MYO10: variants seen among roughly 807,000 people sequenced by gnomAD.
MYO10 encodes the protein myosin X, also known as unconventional myosin-X.
In MYO10, 133 loss-of-function variants were observed where a neutral mutation model predicts 257.3. That is an observed-to-expected ratio of 0.52 (90% confidence interval 0.45 to 0.60). The LOEUF (loss-of-function observed/expected upper bound fraction) is 0.60, where lower values mean the gene tolerates loss of function less well. MYO10 is among the 20% of genes least tolerant of loss of function. The pLI, the probability that MYO10 is intolerant of heterozygous loss-of-function variation, is 0.00. For missense variants in MYO10, 2,399 were observed against 2,635.7 expected, an observed-to-expected ratio of 0.91 and a Z score of 1.97; for synonymous variants, 1,104 against 1,028.6, an observed-to-expected ratio of 1.07 and a Z score of -1.40.
Position 16,851,788 on chromosome 5 carries a change from C to T in MYO10, c.120+25821G>A, listed in dbSNP as rs1195733959. On this transcript the variant is annotated intron_variant, in intron 2 of 40. Coordinates refer to ENST00000513610, the MANE Select transcript of MYO10 (RefSeq NM_012334.3). ...GACTTAATGGCCGGGCGTGGTGGCT[C>T]ATGCCTGTAATCCCAGCACTTTGGG... Among the ~76,000 whole-genome samples, 4 of 152,082 alleles carry T rather than the reference C, an allele frequency of 2.6e-5. No homozygotes were observed. In the East Asian group the frequency reaches 5.8e-4, roughly 22 times the overall value.
chr5:16,820,760 TAATC>T (rs1471827919), intron 2 of MYO10, among the ~76,000 whole-genome samples: 2 of 151,946 alleles, frequency 1.3e-5, no homozygotes, highest in South Asian at 2.1e-4. Context: ...TTTCTGGAAA[TAATC>T]ATACATAATA....
chr5:16,719,989 C>CGCGTGT (rs1554039264), intron 19 of MYO10, among the ~76,000 whole-genome samples: 1 of 143,442 alleles, frequency 7.0e-6, no homozygotes, highest in Non-Finnish European at 1.5e-5. Context: ...TGTGTGCGTG[C>CGCGTGT]GTGTGTGTGT....
At chr5:16,735,825 G>A (rs778910771) in intron 19 of MYO10, among the ~76,000 whole-genome samples, 1 of 152,114 alleles carries the variant, frequency 6.6e-6, no homozygotes, top group South Asian at 2.1e-4. Flanking sequence ...ATGATCTGAG[G>A]CTGGTCTGTG....
chr5:16,759,727 A>C (rs920930851), intron 17 of MYO10, among the ~76,000 whole-genome samples: 5 of 152,218 alleles, frequency 3.3e-5, no homozygotes, highest in African/African-American at 1.2e-4. Context: ...CTTTTATTTA[A>C]ACGTATCGCA....
chr5:16,756,247 G>A (rs891099145), intron 18 of MYO10, among the ~76,000 whole-genome samples: 1 of 151,798 alleles, frequency 6.6e-6, no homozygotes, highest in Non-Finnish European at 1.5e-5. Context: ...AATTTTTTTT[G>A]TAGAGATGAG....
chr5:16,845,528 G>A (rs1252534707), intron 2 of MYO10, among the ~76,000 whole-genome samples: 7 of 152,064 alleles, frequency 4.6e-5, no homozygotes, highest in African/African-American at 9.7e-5. Context: ...CTTAGCCGGC[G>A]TAATGGTCCA....
intron 10 of MYO10, 23 bp from the exon 11 acceptor site, chr5:16,766,221 G>T: frequency 6.3e-7 from 1 of 1,576,890 alleles, no homozygotes. Flanking sequence ...AGACAAAGGT[G>T]AATGAACCCA....
At chr5:16,799,953 A>G (rs373588010) in intron 3 of MYO10, among the ~76,000 whole-genome samples, 1 of 152,240 alleles carries the variant, frequency 6.6e-6, no homozygotes, top group Admixed American at 6.5e-5. Flanking sequence ...ACTGCCACCA[A>G]TCAATTCTGA....
rs184825977 is a variant in MYO10 at position 16,698,352 on chromosome 5, C to A, written c.3556+1098G>T. Among the ~76,000 whole-genome samples, 262 of 152,222 alleles carry A rather than the reference C, an allele frequency of 1.7e-3. 1 individual carries two copies. The highest frequency in any genetic ancestry group is 6.0e-3 in the African/African-American group (250 of 41,530). On this transcript the variant is annotated intron_variant, in intron 26 of 40. Coordinates refer to ENST00000513610, the MANE Select transcript of MYO10 (RefSeq NM_012334.3). The stretch of plus-strand genomic sequence containing the variant: ...CTCTAGCTTGGGTAACAGAGCAAGA[C>A]CCTGTCTTAAATAAATACCTAAATA...
At chr5:16,770,814 C>G (rs1041031386) in intron 9 of MYO10, among the ~76,000 whole-genome samples, 2 of 152,220 alleles carry the variant, frequency 1.3e-5, no homozygotes, top group Non-Finnish European at 2.9e-5. Flanking sequence ...TTTCGCCCAG[C>G]CTGGGGTGCA....
At chr5:16,782,946 T>C (rs1741465527) in intron 5 of MYO10, among the ~76,000 whole-genome samples, 1 of 152,188 alleles carries the variant, frequency 6.6e-6, no homozygotes, top group African/African-American at 2.4e-5. Context: ...ACACAGTGGC[T>C]GGGGGCTGAC....
chr5:16,763,375 C>T, intron 14 of MYO10, 106 bp downstream of exon 14: 1 of 865,144 alleles, frequency 1.2e-6, no homozygotes, highest in Non-Finnish European at 1.9e-6. Context: ...TCTAAACATT[C>T]ACATCGTTGA....
Position 16,701,146 on chromosome 5 carries a change from G to A in MYO10, c.3249C>T (p.Pro1083=), listed in dbSNP as rs1173789586. 2 of 1,602,026 alleles carry A rather than the reference G, an allele frequency of 1.2e-6. No homozygotes were observed. The highest frequency in any genetic ancestry group is 2.7e-5 in the African/African-American group (2 of 74,744). Residue 1083 remains proline, a synonymous_variant, in exon 25 of 41, where the codon CCC becomes CCT. Coordinates refer to ENST00000513610, the MANE Select transcript of MYO10 (RefSeq NM_012334.3). The surrounding 1 kb of genome is among the most constrained non-coding windows in gnomAD (Gnocchi z 8.1). ...YCMPQNAGDL[P]SPDGDYDYDQ... ...CGTAGTCGTAGTCGCCGTCTGGGGA[G>A]GGCAAGTCCCCAGCGTTCTGGGGCA...
intron 19 of MYO10, among the ~76,000 whole-genome samples, chr5:16,748,198 T>C (rs1168781797): frequency 2.0e-5 from 3 of 152,012 alleles, no homozygotes; most frequent in African/African-American, 7.2e-5. Context: ...GCCTCTCAGG[T>C]AGCCGGGACT....
chr5:16,730,703 C>T (rs1167401988), intron 19 of MYO10, among the ~76,000 whole-genome samples: 2 of 152,190 alleles, frequency 1.3e-5, no homozygotes, highest in African/African-American at 4.8e-5. Context: ...GGTTCCCTGG[C>T]CCCTGTGAGA....
At chr5:16,700,820 A>G (rs1329145722) in intron 25 of MYO10, 143 bp downstream of exon 25, 1 of 1,076,986 alleles carries the variant, frequency 9.3e-7, no homozygotes, top group Middle Eastern at 3.1e-4. Flanking sequence ...GAATAAGCAA[A>G]AGGTTTAAGA....
chr5:16,900,046 C>G (rs1485320937), intron 1 of MYO10, among the ~76,000 whole-genome samples: 2 of 136,850 alleles, frequency 1.5e-5, no homozygotes, highest in African/African-American at 5.4e-5. Context: ...CTCTGGGAAA[C>G]TTAGTATAAA....
chr5:16,934,794 A>G (rs966141687), intron 1 of MYO10, among the ~76,000 whole-genome samples: 1 of 152,236 alleles, frequency 6.6e-6, no homozygotes, highest in African/African-American at 2.4e-5. Context: ...TTGAAATATT[A>G]TATCCAATTA....
chr5:16,847,635 T>G (rs1346541181), intron 2 of MYO10, among the ~76,000 whole-genome samples: 1 of 151,450 alleles, frequency 6.6e-6, no homozygotes, highest in South Asian at 2.1e-4. Context: ...GAGGCTGAGG[T>G]GGGAGGATCG....
Sources: allele counts gnomAD v4.1 joint callset (sites outside exome capture counted in the v4.1 genomes callset), GRCh38; gene constraint gnomAD v4.1.1; non-coding constraint Gnocchi (gnomAD v3.1); transcripts MANE v1.5; gene names NCBI Gene and HGNC (gene_info 2026-07-23, HGNC 2026-07-21).